Variants in SLC8A1 observed in about 807,000 individuals in gnomAD.
SLC8A1 encodes the protein sodium/calcium exchanger 1.
In SLC8A1, 18 loss-of-function variants were observed where a neutral mutation model predicts 68.3. That is an observed-to-expected ratio of 0.26 (90% CI 0.18 to 0.39). The LOEUF is 0.39. Among genes scored for constraint, SLC8A1 ranks in the 10% least tolerant of loss-of-function variants. The probability of loss-of-function intolerance (pLI) is 1.00; values close to 1 mark genes in which losing one functional copy is unlikely to be tolerated. For synonymous variants in SLC8A1, 475 were observed against 415.5 expected (o/e 1.14, Z -1.74); for missense variants, 985 against 1,156.7 (o/e 0.85, Z 2.15).
chr2:40,204,484 CA>C (rs1403367710), intron 2 of SLC8A1, among the ~76,000 whole-genome samples: 1 of 151,926 alleles, frequency 6.6e-6, no homozygotes, highest in African/African-American at 2.4e-5. Flanking sequence ...GAAAGAAAAA[CA>C]ACCATATGGA....
chr2:40,490,539 T>C (rs1383410135), intron 1 of SLC8A1, among the ~76,000 whole-genome samples: 7 of 152,120 alleles, frequency 4.6e-5, no homozygotes, highest in African/African-American at 1.4e-4. Context: ...GAGTGTCCTT[T>C]AGGTACTAAA....
Position 40,386,829 on chromosome 2 carries a change from A to T in SLC8A1, c.1808+41644T>A, listed in dbSNP as rs115223617. Reference sequence around the variant, plus strand: ...GTGGCTTTGTGAGTTTTGCCCCTTGACATAAATAATGTATCCCTAAAATAC... The same window carrying T: ...GTGGCTTTGTGAGTTTTGCCCCTTGTCATAAATAATGTATCCCTAAAATAC... On this transcript the variant is annotated intron_variant, in intron 2 of 7. Coordinates refer to ENST00000406785, the Ensembl canonical transcript of SLC8A1. Among the ~76,000 whole-genome samples the T allele has an allele frequency of 2.6e-3, 396 of 151,192 alleles. 10 individuals are homozygous for T. Among genetic ancestry groups the T allele is most frequent in the African/African-American group, 9.4e-3 (382 of 40,620 alleles).
At chr2:40,368,950 C>A (rs78885252) in intron 2 of SLC8A1, among the ~76,000 whole-genome samples, 2 of 18,014 alleles carry the variant, frequency 1.1e-4, no homozygotes, top group Non-Finnish European at 2.0e-4. Context: ...TAATTCCTTA[C>A]TCAATCAATT....
At chr2:40,129,761 G>A (rs13020366) in intron 7 of SLC8A1, among the ~76,000 whole-genome samples, 3,303 of 152,246 alleles carry the variant, frequency 0.022, 44 homozygotes, top group Non-Finnish European at 0.035. Flanking sequence ...ACGCACACCT[G>A]TACAGCATGA....
In SLC8A1 at chr2:40,402,270, G is replaced by A. The variant is rs1209838151; in HGVS notation, c.1808+26203C>T. On this transcript the variant is annotated intron_variant, in intron 2 of 7. Coordinates refer to ENST00000406785, the Ensembl canonical transcript of SLC8A1. ...ACCATGACAGTTTACAAATGCCATG[G>A]CAACATCAGGAAGTTAACATGTATG... is the stretch of plus-strand genomic sequence containing the variant. Among the ~76,000 whole-genome samples, 8 of 152,280 alleles carry A rather than the reference G, an allele frequency of 5.3e-5. No individual in the cohort carries two copies. The East Asian group carries it at 1.2e-3, about 22-fold the overall frequency.
chr2:40,314,194 T>C (rs2149317038), intron 2 of SLC8A1, among the ~76,000 whole-genome samples: 1 of 152,214 alleles, frequency 6.6e-6, no homozygotes, highest in South Asian at 2.1e-4. Context: ...AAGTAATAGA[T>C]CAAAATTCAT....
chr2:40,238,639 G>A (rs971331000), intron 2 of SLC8A1, among the ~76,000 whole-genome samples: 1 of 152,086 alleles, frequency 6.6e-6, no homozygotes, highest in Non-Finnish European at 1.5e-5. Context: ...ATCGTCTTCT[G>A]TTTCTTACTG....
At chr2:40,292,642 A>C (rs2069539124) in intron 2 of SLC8A1, among the ~76,000 whole-genome samples, 1 of 152,094 alleles carries the variant, frequency 6.6e-6, no homozygotes, top group Non-Finnish European at 1.5e-5. Flanking sequence ...GTGATCTATT[A>C]AATCAGTAAG....
intron 6 of SLC8A1, among the ~76,000 whole-genome samples, chr2:40,146,930 G>T (rs2042579301): frequency 6.6e-6 from 1 of 152,122 alleles, no homozygotes; most frequent in Admixed American, 6.6e-5. Context: ...TGTAAAGGGC[G>T]TCAAGAAGGC....
rs902797437 is a variant in SLC8A1, at chr2:40,413,585, A to T, written c.1808+14888T>A. On this transcript the variant is annotated intron_variant, in intron 2 of 7. Coordinates refer to ENST00000406785, the Ensembl canonical transcript of SLC8A1. ...ATAACATTGGTCTGCTTTACATCCT[A>T]TACTTGTTTTCCCTCCAAATTATAT... Among the ~76,000 whole-genome samples the T allele has an allele frequency of 2.6e-5, 4 of 152,162 alleles. No homozygotes were observed. In the East Asian group the frequency reaches 7.7e-4, roughly 29 times the overall value.
chr2:40,441,266 G>C (rs1700425138), intron 1 of SLC8A1, among the ~76,000 whole-genome samples: 1 of 151,940 alleles, frequency 6.6e-6, no homozygotes, highest in East Asian at 1.9e-4. Flanking sequence ...CACTGCTCAA[G>C]GAAATAAGGG....
intron 7 of SLC8A1, among the ~76,000 whole-genome samples, chr2:40,128,910 G>C (rs1204038560): frequency 6.6e-6 from 1 of 152,168 alleles, no homozygotes; most frequent in Non-Finnish European, 1.5e-5. Flanking sequence ...ATTAGAATTA[G>C]TCCTTGTGAA....
chr2:40,350,579 C>G (rs1670745184), intron 2 of SLC8A1, among the ~76,000 whole-genome samples: 1 of 91,240 alleles, frequency 1.1e-5, no homozygotes, highest in Non-Finnish European at 2.0e-5. Flanking sequence ...CTCACGCACC[C>G]AGACAAGCAA....
intron 2 of SLC8A1, among the ~76,000 whole-genome samples, chr2:40,348,319 C>T (rs1393375514): frequency 6.6e-6 from 1 of 152,158 alleles, no homozygotes; most frequent in African/African-American, 2.4e-5. Flanking sequence ...TAGGCTCCTT[C>T]CAGCTTTATA....
chr2:40,342,613 G>T (rs188698945), intron 2 of SLC8A1, among the ~76,000 whole-genome samples: 1 of 152,240 alleles, frequency 6.6e-6, no homozygotes, highest in East Asian at 1.9e-4. Context: ...GGGCCAACAT[G>T]CTGTTAGATA....
At chr2:40,352,777 A>C (rs1271294456) in intron 2 of SLC8A1, among the ~76,000 whole-genome samples, 1 of 152,222 alleles carries the variant, frequency 6.6e-6, no homozygotes, top group East Asian at 1.9e-4. Flanking sequence ...TTTCAGAAGT[A>C]GGACGTGGCT....
intron 2 of SLC8A1, among the ~76,000 whole-genome samples, chr2:40,187,808 G>A (rs34661498): frequency 0.011 from 1,614 of 152,208 alleles, 11 homozygotes; most frequent in African/African-American, 0.016. Context: ...TCCCCACAAT[G>A]TTCTATGCTA....
At chr2:40,293,545 T>G (rs927233513) in intron 2 of SLC8A1, among the ~76,000 whole-genome samples, 8 of 152,180 alleles carry the variant, frequency 5.3e-5, no homozygotes, top group African/African-American at 1.9e-4. Context: ...ATCCTTTAGG[T>G]AAAATTTAAA....
chr2:40,202,606 A>G lies in SLC8A1; in HGVS notation c.1809-24751T>C, dbSNP rs549943098. Reference sequence around the variant, plus strand: ...TATCCTTTTTTTCTAAGCTAATAGCATTTCTCCCACTCTTAAAAGGCATAT... The same window carrying G: ...TATCCTTTTTTTCTAAGCTAATAGCGTTTCTCCCACTCTTAAAAGGCATAT... On this transcript the variant is annotated intron_variant, in intron 2 of 7. Transcript: ENST00000406785. Among the ~76,000 whole-genome samples, 18 of 152,076 alleles carry G rather than the reference A, an allele frequency of 1.2e-4. No homozygotes were observed. In the South Asian group the frequency reaches 3.7e-3, roughly 32 times the overall value.
Sources: allele counts gnomAD v4.1 joint callset (sites outside exome capture counted in the v4.1 genomes callset), GRCh38; gene constraint gnomAD v4.1.1; transcripts MANE v1.5; gene names NCBI Gene and HGNC (gene_info 2026-07-23, HGNC 2026-07-21).